PTPRD: variants seen among roughly 807,000 people sequenced by gnomAD.
PTPRD encodes receptor-type tyrosine-protein phosphatase delta.
A neutral mutation model predicts 214.5 loss-of-function variants in PTPRD; 34 were observed. That is an observed-to-expected ratio of 0.16 (90% CI 0.12 to 0.21). PTPRD has a LOEUF of 0.21. Ranked by LOEUF, PTPRD falls within the 10% of genes least tolerant of loss-of-function variation. PTPRD has a pLI of 1.00. For synonymous variants in PTPRD, 1,128 were observed against 845.7 expected (o/e 1.33, Z -5.79); for missense variants, 2,545 against 2,398.7 (o/e 1.06, Z -1.27).
chr9:8,918,313 A>G (rs943320039), intron 11 of PTPRD, among the ~76,000 whole-genome samples: 1 of 152,200 alleles, frequency 6.6e-6, no homozygotes, highest in Non-Finnish European at 1.5e-5. Context: ...GGGAGACAGA[A>G]CAAGCAAAGT....
chr9:8,538,418 C>T (rs1018410063), intron 14 of PTPRD, among the ~76,000 whole-genome samples: 1 of 151,682 alleles, frequency 6.6e-6, no homozygotes. Context: ...TAAAAAGTTA[C>T]AAACCAACAA....
At chr9:8,741,388 G>A (rs931421997) in intron 11 of PTPRD, among the ~76,000 whole-genome samples, 4 of 151,858 alleles carry the variant, frequency 2.6e-5, no homozygotes, top group African/African-American at 9.7e-5. Flanking sequence ...GCAATGAAAC[G>A]GTTAAAATAC....
chr9:8,629,534 C>A (rs143925538), intron 14 of PTPRD, among the ~76,000 whole-genome samples: 1 of 151,898 alleles, frequency 6.6e-6, no homozygotes, highest in African/African-American at 2.4e-5. Flanking sequence ...TTGCTCTTCA[C>A]TGAAAGCCTG....
intron 11 of PTPRD, among the ~76,000 whole-genome samples, chr9:8,804,431 C>A (rs2096633342): frequency 6.7e-6 from 1 of 148,442 alleles, no homozygotes; most frequent in Non-Finnish European, 1.5e-5. Flanking sequence ...GACTCCGTCT[C>A]TACAAAAAAA....
intron 3 of PTPRD, among the ~76,000 whole-genome samples, chr9:10,079,634 C>A (rs2098199817): frequency 1.3e-5 from 2 of 152,268 alleles, no homozygotes; most frequent in East Asian, 3.9e-4. Context: ...TACCTTGAAA[C>A]TAACCCTGAT....
At chr9:8,783,161 G>C (rs1022412962) in intron 11 of PTPRD, among the ~76,000 whole-genome samples, 1 of 152,040 alleles carries the variant, frequency 6.6e-6, no homozygotes, top group Non-Finnish European at 1.5e-5. Flanking sequence ...ACGAAGAACG[G>C]AAATTTTCAT....
At chr9:9,685,266 TTA>T (rs34439498) in intron 7 of PTPRD, among the ~76,000 whole-genome samples, 47,347 of 149,236 alleles carry the variant, frequency 0.32, 7,795 homozygotes, top group Admixed American at 0.45. Context: ...TATATGCTTA[TTA>T]TATATATATA....
At chr9:10,137,633 A>G (rs2098951600) in intron 3 of PTPRD, among the ~76,000 whole-genome samples, 1 of 77,002 alleles carries the variant, frequency 1.3e-5, no homozygotes, top group Non-Finnish European at 2.4e-5. Context: ...GCGCACCAGC[A>G]TGGCACATGT....
chr9:9,177,755 C>T lies in PTPRD; in HGVS notation c.-143+5549G>A, dbSNP rs909572275. Among the ~76,000 whole-genome samples the T allele has an allele frequency of 5.9e-5, 9 of 151,888 alleles. 1 individual carries two copies. Among genetic ancestry groups the T allele is most frequent in the Admixed American group, 5.3e-4 (8 of 15,224 alleles). On this transcript the variant is annotated intron_variant, in intron 10 of 45. Coordinates refer to ENST00000381196, the MANE Select transcript of PTPRD (RefSeq NM_002839.4). The stretch of plus-strand genomic sequence containing the variant: ...CAATTTAAAAATCAGCTTAAGAGGC[C>T]GCTATTTATAGTAGTCCCTATAAAA...
chr9:8,467,100 T>C (rs2096559839), intron 31 of PTPRD, among the ~76,000 whole-genome samples: 1 of 151,992 alleles, frequency 6.6e-6, no homozygotes, highest in Non-Finnish European at 1.5e-5. Flanking sequence ...TTGGCCGACA[T>C]TATTTTTCAA....
intron 8 of PTPRD, among the ~76,000 whole-genome samples, chr9:9,555,660 A>C (rs779903776): frequency 2.0e-5 from 3 of 152,122 alleles, no homozygotes; most frequent in Non-Finnish European, 4.4e-5. Flanking sequence ...TAGTACAAGA[A>C]GAAACCACGT....
rs996612561 is a variant in PTPRD at position 9,759,972 on chromosome 9, T to A, written c.-326+6838A>T. On this transcript the variant is annotated intron_variant, in intron 6 of 45. Transcript: ENST00000381196. ...ATCTTTCTTTCCTTCTCCTCTAACC[T>A]GGTGTTGTACATTTTGCTCATGTTA... Among the ~76,000 whole-genome samples the A allele has an allele frequency of 2.0e-5, 3 of 152,326 alleles. No homozygotes were observed. In the East Asian group the frequency reaches 5.8e-4, roughly 29 times the overall value.
chr9:9,796,999 T>A (rs1212223327), intron 5 of PTPRD, among the ~76,000 whole-genome samples: 1 of 152,090 alleles, frequency 6.6e-6, no homozygotes, highest in Non-Finnish European at 1.5e-5. Context: ...TTTTATCAAC[T>A]AATAGAGATG....
chr9:8,918,647 C>G (rs747843582), intron 11 of PTPRD, among the ~76,000 whole-genome samples: 2 of 152,132 alleles, frequency 1.3e-5, no homozygotes, highest in East Asian at 3.9e-4. Context: ...TGCACACTTT[C>G]CTTCTCTGGA....
At chr9:10,145,441 C>T (rs894348424) in intron 3 of PTPRD, among the ~76,000 whole-genome samples, 3 of 152,108 alleles carry the variant, frequency 2.0e-5, no homozygotes, top group African/African-American at 7.2e-5. Context: ...GATCCACTTC[C>T]ACTTAATAAA....
At chr9:9,331,898 T>C (rs2042446385) in intron 9 of PTPRD, among the ~76,000 whole-genome samples, 2 of 151,988 alleles carry the variant, frequency 1.3e-5, no homozygotes, top group African/African-American at 4.8e-5. Flanking sequence ...ACATAGCAAA[T>C]TCTGGGGAAA....
At chr9:8,842,915 C>A (rs1043569678) in intron 11 of PTPRD, among the ~76,000 whole-genome samples, 1 of 152,164 alleles carries the variant, frequency 6.6e-6, no homozygotes, top group Non-Finnish European at 1.5e-5. Context: ...ACTTGCTCTG[C>A]GCTGCACATG....
At chr9:8,636,121 G>C (rs2096424877) in intron 13 of PTPRD, among the ~76,000 whole-genome samples, 1 of 152,120 alleles carries the variant, frequency 6.6e-6, no homozygotes, top group Non-Finnish European at 1.5e-5. Flanking sequence ...AGGTGCGAGG[G>C]GCAGTGGACC....
intron 11 of PTPRD, among the ~76,000 whole-genome samples, chr9:8,983,124 T>C (rs776656658): frequency 3.9e-5 from 6 of 152,126 alleles, no homozygotes; most frequent in Non-Finnish European, 8.8e-5. Flanking sequence ...CATCATGAGT[T>C]ATTTAACATT....
Sources: allele counts gnomAD v4.1 joint callset (sites outside exome capture counted in the v4.1 genomes callset), GRCh38; gene constraint gnomAD v4.1.1; transcripts MANE v1.5; gene names NCBI Gene and HGNC (gene_info 2026-07-23, HGNC 2026-07-21).